SARS2: variants seen among roughly 807,000 people sequenced by gnomAD.
The protein encoded by SARS2 is serine--tRNA ligase, mitochondrial.
In SARS2, 52 loss-of-function variants were observed where a neutral mutation model predicts 66.8. The observed-to-expected ratio is 0.78, with a 90% CI of 0.62 to 0.98. The LOEUF is 0.98. SARS2 is among the 50% of genes least tolerant of loss of function. SARS2 has a pLI of 0.00. For missense variants in SARS2, 673 were observed against 706.3 expected (o/e 0.95, Z 0.53); for synonymous variants, 306 against 281.4 (o/e 1.09, Z -0.87).
intron 8 of SARS2, 35 bp downstream of exon 8, chr19:38,918,731 C>T (rs1974465430): frequency 3.2e-6 from 5 of 1,553,618 alleles, no homozygotes; most frequent in Admixed American, 2.0e-5. Context: ...GCCTGACACC[C>T]AGGTGGGCGA....
In SARS2 at chr19:38,915,410, A is replaced by G. The variant is rs961834332; in HGVS notation, c.*196T>C. The G allele has an allele frequency of 1.6e-5, 10 of 615,690 alleles. No homozygotes were observed. The highest frequency in any genetic ancestry group is 9.2e-5 in the African/African-American group (5 of 54,162). 38.1% of individuals were successfully genotyped at this position (615,690 alleles called of 1,614,324 possible). On this transcript the variant is annotated 3_prime_UTR_variant, in exon 16 of 16. Coordinates refer to ENST00000221431, the MANE Select transcript of SARS2 (RefSeq NM_017827.4). Reference sequence around the variant, plus strand: ...CTGCTTCCCACTGGGACCCTCAATGATAACAGGGTCAGTGACTGACTCTGA... The same window carrying G: ...CTGCTTCCCACTGGGACCCTCAATGGTAACAGGGTCAGTGACTGACTCTGA...
At chr19:38,917,586 C>T (rs1050335651) in intron 12 of SARS2, 138 bp downstream of exon 12, 3 of 726,996 alleles carry the variant, frequency 4.1e-6, no homozygotes, top group Non-Finnish European at 7.5e-6. Flanking sequence ...TGTATATGCT[C>T]CTGTAATCCT....
Position 38,917,949 on chromosome 19 carries a change from C to A in SARS2, c.1022G>T (p.Gly341Val). 1 of 1,609,340 alleles carries A rather than the reference C, an allele frequency of 6.2e-7. No homozygotes were observed. Among genetic ancestry groups the A allele is most frequent in the Admixed American group, 1.7e-5 (1 of 59,174 alleles). The change falls in exon 11 of 16, where the codon GGG becomes GTG. Residue 341 changes from glycine (G) to valine (V), a missense_variant. Gly to Val is a moderately radical substitution (Grantham distance 109). Coordinates refer to ENST00000221431, the MANE Select transcript of SARS2 (RefSeq NM_017827.4). Reference protein sequence around the residue: ...AETNTGQEPRGLYRVHHFTKV... With the variant: ...AETNTGQEPRVLYRVHHFTKV... ...GGTGAAGTGGTGTACTCGATACAGCCCCCGGGGTTCCTGTCCCGTGTTTGT... is the reference window on the plus strand; with the variant it reads ...GGTGAAGTGGTGTACTCGATACAGCACCCGGGGTTCCTGTCCCGTGTTTGT...
rs767381517 is a variant in SARS2 at position 38,916,223 on chromosome 19, C to A, written c.1252G>T (p.Glu418Ter). The A allele has an allele frequency of 1.2e-6, 2 of 1,614,070 alleles. No individual in the cohort carries two copies. The highest frequency in any genetic ancestry group is 4.5e-5 in the East Asian group (2 of 44,866). Residue 418 changes from glutamate to a stop codon, truncating the protein, a stop_gained and splice_region_variant, in exon 13 of 16, where the codon GAG (glutamate) becomes TAG (stop). Transcript: ENST00000221431. LOFTEE classifies it high-confidence loss of function. ...GTCCCCAGCGGCACAGGGCTCACCT[C>A]TCCAAAGCGGCCTCGGCCTGGCATC... ...AWMPGRGRFG[E>*]VTSASNCTDF... is the part of the protein sequence containing the mutation.
At chr19:38,923,889 G>C (rs989113135) in intron 2 of SARS2, among the ~76,000 whole-genome samples, 4 of 152,094 alleles carry the variant, frequency 2.6e-5, no homozygotes, top group Non-Finnish European at 4.4e-5. Context: ...CAGGAGAATG[G>C]CGTGAACCCG....
At chr19:38,922,308 G>A (rs1451616566) in intron 2 of SARS2, 41 bp from the exon 3 acceptor site, 1 of 1,606,856 alleles carries the variant, frequency 6.2e-7, no homozygotes, top group Non-Finnish European at 8.5e-7. Flanking sequence ...GGTTGACAAA[G>A]TCGAGGGTGG....
chr19:38,919,526 G>A (rs1974479313), intron 7 of SARS2, among the ~76,000 whole-genome samples: 1 of 152,186 alleles, frequency 6.6e-6, no homozygotes, highest in Admixed American at 6.5e-5. Context: ...CTGGCTGTGA[G>A]ACCTTGGGCT....
Position 38,929,404 on chromosome 19 carries a change from A to T in SARS2, c.267+1066T>A, listed in dbSNP as rs1274006285. Among the ~76,000 whole-genome samples the T allele has an allele frequency of 2.0e-5, 3 of 151,406 alleles. No homozygotes were observed. The South Asian group carries it at 6.2e-4, about 32-fold the overall frequency. Reference sequence around the variant, plus strand: ...TCCCTGTCTCAACAAAAAATACAAAAGTTTAGCCGGGCGTGGTGGTGTCTG... The same window carrying T: ...TCCCTGTCTCAACAAAAAATACAAATGTTTAGCCGGGCGTGGTGGTGTCTG... On this transcript the variant is annotated intron_variant, in intron 1 of 15. Coordinates refer to ENST00000221431, the MANE Select transcript of SARS2 (RefSeq NM_017827.4).
At position 38,915,597 on chromosome 19, in the gene SARS2, G is replaced by T. The variant is rs777446937; in HGVS notation, c.*9C>A. On this transcript the variant is annotated 3_prime_UTR_variant, in exon 16 of 16. Coordinates refer to ENST00000221431, the MANE Select transcript of SARS2 (RefSeq NM_017827.4). ...AGTGACACCCCCGAGGGCTGCTGTG[G>T]GTGGGTTCTTAGCTTACAGCAGGCT... 55 of 1,611,442 alleles carry T rather than the reference G, an allele frequency of 3.4e-5. 2 individuals carry two copies. In the South Asian group the frequency reaches 5.8e-4, roughly 17 times the overall value.
At chr19:38,920,363 A>G (rs1974498215) in intron 5 of SARS2, among the ~76,000 whole-genome samples, 2 of 151,466 alleles carry the variant, frequency 1.3e-5, no homozygotes, top group Non-Finnish European at 2.9e-5. Flanking sequence ...AGGGAGAGGA[A>G]ATGAGAGGAG....
At chr19:38,920,926 GACACACACATAGACACACAC>G (rs1428224950) in intron 5 of SARS2, among the ~76,000 whole-genome samples, 4 of 132,976 alleles carry the variant, frequency 3.0e-5, no homozygotes, top group African/African-American at 1.2e-4. Flanking sequence ...CACAGAGATA[GACACACACATAGACACACAC>G]ACACAGACAC....
intron 1 of SARS2, among the ~76,000 whole-genome samples, chr19:38,929,523 C>G (rs903367240): frequency 6.6e-6 from 1 of 150,614 alleles, no homozygotes; most frequent in Non-Finnish European, 1.5e-5. Flanking sequence ...CCACTGTACT[C>G]CATCCTGCCA....
intron 12 of SARS2, 127 bp from the exon 13 acceptor site, chr19:38,916,441 TG>T: frequency 1.3e-6 from 1 of 782,722 alleles, no homozygotes; most frequent in South Asian, 1.6e-5. Context: ...GAGACCAGCC[TG>T]GGCAACATAA....
At chr19:38,920,242 G>A (rs1974495821) in intron 5 of SARS2, 93 bp from the exon 6 acceptor site, 9 of 1,002,606 alleles carry the variant, frequency 9.0e-6, no homozygotes, top group Non-Finnish European at 1.4e-5. Context: ...GAGGAGGGAC[G>A]GTGAGAGAAA....
chr19:38,930,390 C>T (rs1974713113), intron 1 of SARS2, 80 bp downstream of exon 1: 16 of 1,500,140 alleles, frequency 1.1e-5, no homozygotes, highest in Middle Eastern at 2.0e-4. Flanking sequence ...AGGTTCGCCC[C>T]CTGCCGGAGG....
At chr19:38,917,609 T>C in intron 12 of SARS2, 115 bp downstream of exon 12, 1 of 755,784 alleles carries the variant, frequency 1.3e-6, no homozygotes, top group Non-Finnish European at 2.4e-6. Context: ...TACAGGAAAA[T>C]GGGGGCAACG....
Position 38,920,154 on chromosome 19 carries a change from A to G in SARS2, c.590-5T>C, listed in dbSNP as rs370612303. 1.0e-5 allele frequency: 16 copies of G among 1,557,590 alleles called. No homozygotes were observed. The South Asian group carries it at 1.9e-4, about 18-fold the overall frequency. On this transcript the variant is annotated splice_polypyrimidine_tract_variant and splice_region_variant and intron_variant, in intron 5 of 15. Coordinates refer to ENST00000221431, the MANE Select transcript of SARS2 (RefSeq NM_017827.4). ...CCCGAGGTTGGAAGGAGAAAACTGG[A>G]TGTGGGTGAAAAGCACCGGTGTAAG...
intron 2 of SARS2, among the ~76,000 whole-genome samples, chr19:38,923,214 GTTTTCTTTTT>G (rs1354223530): frequency 1.0e-5 from 1 of 96,142 alleles, no homozygotes; most frequent in Non-Finnish European, 2.0e-5. Context: ...CTGATCTCAG[GTTTTCTTTTT>G]TTTTTTTTTT....
Position 38,921,566 on chromosome 19 carries a change from C to A in SARS2, c.495G>T (p.Leu165=). 1 of 1,614,222 alleles carries A rather than the reference C, an allele frequency of 6.2e-7. No individual in the cohort carries two copies. The highest frequency in any genetic ancestry group is 8.5e-7 in the Non-Finnish European group (1 of 1,180,032). Reference sequence around the variant, plus strand: ...TCTGGTTGGGCAGCTTCAGCGCCTGCAGGTAGAACTGCTCCTCAAGCTGGG... The same window carrying A: ...TCTGGTTGGGCAGCTTCAGCGCCTGAAGGTAGAACTGCTCCTCAAGCTGGG... ...REAQLEEQFY[L]QALKLPNQTH... The change falls in exon 4 of 16, where the codon CTG becomes CTT. Residue 165 remains leucine (L), a synonymous_variant. Coordinates refer to ENST00000221431, the MANE Select transcript of SARS2 (RefSeq NM_017827.4).
Sources: allele counts gnomAD v4.1 joint callset (sites outside exome capture counted in the v4.1 genomes callset), GRCh38; gene constraint gnomAD v4.1.1; transcripts MANE v1.5; gene names NCBI Gene and HGNC (gene_info 2026-07-23, HGNC 2026-07-21).